The following UTRN variants were observed in gnomAD, a reference collection of about 807,000 sequenced individuals.
UTRN encodes the protein dystrophin-related protein 1.
In UTRN, 283 loss-of-function variants were observed where a neutral mutation model predicts 463.9. The observed-to-expected ratio is 0.61, with a 90% confidence interval of 0.55 to 0.67. The LOEUF (loss-of-function observed/expected upper bound fraction) is 0.67, where lower values mean the gene tolerates loss of function less well. Ranked by LOEUF, UTRN falls within the 30% of genes least tolerant of loss-of-function variation. UTRN has a pLI of 0.00. For missense variants in UTRN, 3,922 were observed against 4,084.3 expected, an observed-to-expected ratio of 0.96 and a Z score of 1.08; for synonymous variants, 1,442 against 1,431.5, an observed-to-expected ratio of 1.01 and a Z score of -0.17.
At chr6:144,400,652 A>G (rs1182771659) in intron 2 of UTRN, among the ~76,000 whole-genome samples, 1 of 152,102 alleles carries the variant, frequency 6.6e-6, no homozygotes, top group Non-Finnish European at 1.5e-5. Context: ...GAAAATGCAA[A>G]CTAGTCTTTG....
At chr6:144,333,868 T>G (rs181044379) in intron 2 of UTRN, among the ~76,000 whole-genome samples, 465 of 152,356 alleles carry the variant, frequency 3.1e-3, no homozygotes, top group Non-Finnish European at 5.4e-3. Flanking sequence ...CCTCTCATTT[T>G]ATTCATTCGT....
chr6:144,800,937 G>A (rs931974552), intron 64 of UTRN, among the ~76,000 whole-genome samples: 3 of 152,146 alleles, frequency 2.0e-5, no homozygotes, highest in African/African-American at 4.8e-5. Flanking sequence ...GATGGTAGAG[G>A]TGTTAAGTGC....
intron 51 of UTRN, among the ~76,000 whole-genome samples, chr6:144,626,170 G>T (rs1054152326): frequency 6.6e-6 from 1 of 152,122 alleles, no homozygotes; most frequent in African/African-American, 2.4e-5. Context: ...TGCAAATCTT[G>T]ATTTACATTT....
intron 52 of UTRN, among the ~76,000 whole-genome samples, chr6:144,690,606 C>T (rs1783299437): frequency 6.6e-6 from 1 of 152,132 alleles, no homozygotes; most frequent in African/African-American, 2.4e-5. Flanking sequence ...AACCTGCGAC[C>T]CGTGCCTGAG....
At chr6:144,481,718 A>G (rs1349323677) in intron 26 of UTRN, among the ~76,000 whole-genome samples, 2 of 152,244 alleles carry the variant, frequency 1.3e-5, no homozygotes, top group Non-Finnish European at 2.9e-5. Flanking sequence ...AGCTGAGTAC[A>G]TTGGATGCAT....
At chr6:144,620,676 A>G (rs939783360) in intron 51 of UTRN, among the ~76,000 whole-genome samples, 3 of 152,090 alleles carry the variant, frequency 2.0e-5, no homozygotes, top group African/African-American at 7.2e-5. Context: ...GCTGGGGACA[A>G]GACAACTCTG....
chr6:144,470,152 TC>T (rs911661812), intron 23 of UTRN, among the ~76,000 whole-genome samples: 3 of 151,734 alleles, frequency 2.0e-5, no homozygotes, highest in African/African-American at 4.8e-5. Flanking sequence ...TCCCCACACT[TC>T]CCCCCCTTCT....
rs145078424 is a variant in UTRN at position 144,688,925 on chromosome 6, C to T, written c.7652+10347C>T. On this transcript the variant is annotated intron_variant, in intron 52 of 74. Transcript: ENST00000367545. ...AATACCCAGTGATGCACAGAGGTCC[C>T]AGCCTTGACAGAGGCAGCTAGGGGA... Among the ~76,000 whole-genome samples the T allele has an allele frequency of 4.6e-3, 698 of 152,238 alleles. 7 individuals are homozygous for T. The highest frequency in any genetic ancestry group is 0.016 in the African/African-American group (661 of 41,530).
intron 51 of UTRN, among the ~76,000 whole-genome samples, chr6:144,668,302 A>G (rs1780638386): frequency 6.6e-6 from 1 of 152,188 alleles, no homozygotes; most frequent in Non-Finnish European, 1.5e-5. Flanking sequence ...ATTGAAAAAC[A>G]AGCACTTAGA....
chr6:144,358,583 C>G (rs1472464556), intron 2 of UTRN, among the ~76,000 whole-genome samples: 1 of 152,128 alleles, frequency 6.6e-6, no homozygotes, highest in East Asian at 1.9e-4. Flanking sequence ...TATTAACCAT[C>G]TTCTTCATAT....
At chr6:144,595,423 T>G (rs1405699016) in intron 51 of UTRN, among the ~76,000 whole-genome samples, 1 of 152,230 alleles carries the variant, frequency 6.6e-6, no homozygotes, top group Admixed American at 6.5e-5. Context: ...GTGTCTCAAC[T>G]GAGGCGGAAG....
chr6:144,827,275 C>G, intron 66 of UTRN, 73 bp from the exon 67 acceptor site: 2 of 1,565,228 alleles, frequency 1.3e-6, no homozygotes, highest in South Asian at 2.2e-5. Context: ...TCCCCACACC[C>G]CCACTGCTTT....
chr6:144,563,862 C>T (rs1800151987), intron 50 of UTRN, among the ~76,000 whole-genome samples: 1 of 151,998 alleles, frequency 6.6e-6, no homozygotes, highest in African/African-American at 2.4e-5. Context: ...GTGATAAATG[C>T]CTATGAATGT....
At chr6:144,485,897 T>C (rs1792394828) in intron 28 of UTRN, among the ~76,000 whole-genome samples, 1 of 152,204 alleles carries the variant, frequency 6.6e-6, no homozygotes, top group African/African-American at 2.4e-5. Context: ...ACTGACAGTT[T>C]ATAGGGGATT....
At chr6:144,689,419 T>C (rs1465305331) in intron 52 of UTRN, among the ~76,000 whole-genome samples, 4 of 152,136 alleles carry the variant, frequency 2.6e-5, no homozygotes, top group Admixed American at 6.5e-5. Context: ...TTCCCACAGG[T>C]GGAAATGTCT....
intron 2 of UTRN, among the ~76,000 whole-genome samples, chr6:144,318,516 T>G (rs1775423852): frequency 6.6e-6 from 1 of 152,086 alleles, no homozygotes; most frequent in Non-Finnish European, 1.5e-5. Flanking sequence ...CAGGCTGGAG[T>G]GCAGTGGCGT....
In UTRN at chr6:144,686,299, T is replaced by C. The variant is rs974477945; in HGVS notation, c.7652+7721T>C. On this transcript the variant is annotated intron_variant, in intron 52 of 74. Transcript: ENST00000367545. ...TTGATTTTTAAAAATTAATTGAGACTTGTTTTGTGGCCTTATGTATTTTGG... is the reference window on the plus strand; with the variant it reads ...TTGATTTTTAAAAATTAATTGAGACCTGTTTTGTGGCCTTATGTATTTTGG... Among the ~76,000 whole-genome samples the C allele has an allele frequency of 3.3e-5, 5 of 152,194 alleles. No individual in the cohort carries two copies. The East Asian group carries it at 9.6e-4, about 29-fold the overall frequency.
At chr6:144,739,852 T>G (rs916696357) in intron 54 of UTRN, among the ~76,000 whole-genome samples, 15 of 152,158 alleles carry the variant, frequency 9.9e-5, no homozygotes, top group Admixed American at 3.9e-4. Flanking sequence ...ACTCAGGGAC[T>G]GCTAGGATTG....
At chr6:144,368,183 A>G (rs1779669089) in intron 2 of UTRN, among the ~76,000 whole-genome samples, 1 of 152,188 alleles carries the variant, frequency 6.6e-6, no homozygotes, top group Non-Finnish European at 1.5e-5. Context: ...GCCATGGTAC[A>G]GGCTGTTGGG....
Sources: allele counts gnomAD v4.1 joint callset (sites outside exome capture counted in the v4.1 genomes callset), GRCh38; gene constraint gnomAD v4.1.1; transcripts MANE v1.5; gene names NCBI Gene and HGNC (gene_info 2026-07-23, HGNC 2026-07-21).